The following FAM13C variants were observed in gnomAD, a reference collection of about 807,000 sequenced individuals.
FAM13C encodes the protein protein FAM13C.
In FAM13C, 37 loss-of-function variants were observed where a neutral mutation model predicts 73.2. The observed-to-expected ratio is 0.51, with a 90% CI of 0.39 to 0.67. The LOEUF is 0.67. FAM13C is among the 30% of genes least tolerant of loss of function. The probability of loss-of-function intolerance (pLI) is 0.00; values close to 1 mark genes in which losing one functional copy is unlikely to be tolerated. For missense variants in FAM13C, 589 were observed against 715.6 expected (o/e 0.82, Z 2.02); for synonymous variants, 246 against 260.9 (o/e 0.94, Z 0.55).
intron 5 of FAM13C, among the ~76,000 whole-genome samples, chr10:59,293,187 C>A (rs374859647): frequency 2.0e-5 from 3 of 146,852 alleles, no homozygotes; most frequent in African/African-American, 7.5e-5. Flanking sequence ...CATTCTCCTG[C>A]CTCAGCCTCC....
At chr10:59,293,355 C>T (rs1352014910) in intron 5 of FAM13C, among the ~76,000 whole-genome samples, 2 of 152,230 alleles carry the variant, frequency 1.3e-5, no homozygotes, top group African/African-American at 4.8e-5. Flanking sequence ...GGATTACAGG[C>T]GTGAGCCACT....
intron 6 of FAM13C, among the ~76,000 whole-genome samples, chr10:59,275,973 AAGGGGT>A (rs1204572917): frequency 6.6e-6 from 1 of 152,184 alleles, no homozygotes; most frequent in Non-Finnish European, 1.5e-5. Context: ...CTTAGAAAAC[AAGGGGT>A]TAATGCAAAG....
intron 11 of FAM13C, chr10:59,254,146 T>G: frequency 2.5e-6 from 1 of 398,908 alleles, no homozygotes; most frequent in East Asian, 3.6e-5. Flanking sequence ...TGTTCCTATT[T>G]TACAATAGTT....
At chr10:59,293,069 C>CTT (rs148715812) in intron 5 of FAM13C, among the ~76,000 whole-genome samples, 48,791 of 103,936 alleles carry the variant, frequency 0.47, 11,632 homozygotes, top group Non-Finnish European at 0.52. Flanking sequence ...TTTTCTTTTT[C>CTT]TTTTTTTTTT....
chr10:59,321,189 A>G (rs2134004293), intron 4 of FAM13C, among the ~76,000 whole-genome samples: 1 of 152,272 alleles, frequency 6.6e-6, no homozygotes, highest in East Asian at 1.9e-4. Context: ...AGATAGGGAA[A>G]TTATCTGAGT....
At chr10:59,331,089 T>C (rs1450527766) in intron 3 of FAM13C, among the ~76,000 whole-genome samples, 1 of 152,194 alleles carries the variant, frequency 6.6e-6, no homozygotes, top group African/African-American at 2.4e-5. Context: ...GTGCTCTTCC[T>C]AGTTCCTGCC....
chr10:59,333,829 T>C (rs997015611), intron 3 of FAM13C, among the ~76,000 whole-genome samples: 2 of 152,240 alleles, frequency 1.3e-5, no homozygotes, highest in African/African-American at 4.8e-5. Context: ...GCTGCACTAA[T>C]GCCACAGCTT....
chr10:59,285,586 T>C (rs1446005165), intron 5 of FAM13C, among the ~76,000 whole-genome samples: 9 of 152,342 alleles, frequency 5.9e-5, no homozygotes, highest in Admixed American at 5.2e-4. Context: ...AGCAATTTCA[T>C]TGCTGCATAT....
chr10:59,265,335 G>GGGGGGGGGGAA (rs78422182), intron 8 of FAM13C, among the ~76,000 whole-genome samples: 2 of 16,056 alleles, frequency 1.2e-4, no homozygotes, highest in Non-Finnish European at 2.2e-4. Context: ...GGGGGGGGGG[G>GGGGGGGGGGAA]AATCCTGGTT....
At chr10:59,311,975 A>G (rs1848980190) in intron 4 of FAM13C, among the ~76,000 whole-genome samples, 1 of 152,118 alleles carries the variant, frequency 6.6e-6, no homozygotes, top group Admixed American at 6.5e-5. Context: ...CTCAAGTAAG[A>G]AAGCGGTGAC....
chr10:59,258,722 A>G (rs927736282), intron 10 of FAM13C, among the ~76,000 whole-genome samples: 2 of 152,204 alleles, frequency 1.3e-5, no homozygotes, highest in Non-Finnish European at 2.9e-5. Flanking sequence ...TTTAAAAAAA[A>G]GAAGGATAAA....
At chr10:59,261,231 G>A (rs184643013) in intron 10 of FAM13C, among the ~76,000 whole-genome samples, 2 of 152,262 alleles carry the variant, frequency 1.3e-5, no homozygotes, top group Admixed American at 1.3e-4. Context: ...GGATGGCTGA[G>A]TGGATGAAAC....
chr10:59,324,098 C>A lies in FAM13C; in HGVS notation c.333G>T (p.Glu111Asp). Residue 111 changes from glutamate (E) to aspartate (D), a missense_variant, in exon 4 of 14, where the codon GAG becomes GAT. Coordinates refer to ENST00000618804, the MANE Select transcript of FAM13C (RefSeq NM_198215.4). ...ACTCTGACTGGCTGGATACCACATG[C>A]TCTGTCTCCTGCAAGAAGAAAGAGC... ...GRSHGESQET[E>D]HVVSSQSECQ... 1.9e-6 allele frequency: 3 copies of A among 1,612,424 alleles called. No homozygotes were observed. Among genetic ancestry groups the A allele is most frequent in the Non-Finnish European group, 2.5e-6 (3 of 1,178,780 alleles).
intron 3 of FAM13C, among the ~76,000 whole-genome samples, chr10:59,337,118 T>C (rs1054750057): frequency 6.6e-6 from 1 of 152,256 alleles, no homozygotes; most frequent in African/African-American, 2.4e-5. Context: ...CCCTCTTTTT[T>C]GTGATCTTTT....
chr10:59,275,580 G>A (rs1365456500), intron 6 of FAM13C, among the ~76,000 whole-genome samples: 1 of 152,202 alleles, frequency 6.6e-6, no homozygotes, highest in Non-Finnish European at 1.5e-5. Flanking sequence ...ACAACTCTCT[G>A]TATGTTCAGT....
rs184597267 is a variant in FAM13C at position 59,247,779 on chromosome 10, G to A, written c.1635-42C>T. 811 of 1,572,236 alleles carry A rather than the reference G, an allele frequency of 5.2e-4. 9 individuals carry two copies. The African/African-American group carries it at 9.8e-3, about 19-fold the overall frequency. ...CATTTGTTAGTTCACAATGAATCAAGTCATTATTTAAACATTCTTTTATAA... is the reference window on the plus strand; with the variant it reads ...CATTTGTTAGTTCACAATGAATCAAATCATTATTTAAACATTCTTTTATAA... On this transcript the variant is annotated intron_variant, in intron 13 of 13. Transcript: ENST00000618804.
chr10:59,351,085 C>A (rs958219538), intron 3 of FAM13C, among the ~76,000 whole-genome samples: 5 of 152,030 alleles, frequency 3.3e-5, no homozygotes, highest in African/African-American at 1.2e-4. Context: ...CTTTCACAAC[C>A]CGAGCACTTT....
intron 5 of FAM13C, chr10:59,301,305 G>C (rs1847574728): frequency 6.6e-6 from 1 of 152,204 alleles, no homozygotes; most frequent in African/African-American, 2.4e-5. Flanking sequence ...TGGATCAGCA[G>C]CGTCACCTCT....
At chr10:59,335,969 T>G (rs1455325812) in intron 3 of FAM13C, among the ~76,000 whole-genome samples, 1 of 152,226 alleles carries the variant, frequency 6.6e-6, no homozygotes, top group Non-Finnish European at 1.5e-5. Flanking sequence ...AGCAGATATT[T>G]TAATAAACTA....
Sources: gnomAD v4.1 joint callset for allele counts (sites outside exome capture counted in the v4.1 genomes callset) on GRCh38, gnomAD v4.1.1 for gene constraint, MANE v1.5 for transcripts, NCBI Gene and HGNC (gene_info 2026-07-23, HGNC 2026-07-21) for gene names.